Variants in PVT1 observed in about 807,000 individuals in gnomAD.
PVT1 encodes the protein Pvt1 oncogene, also known as CXCR4/PVT1 fusion.
At chr8:128,095,288 C>G (rs1814412827) in intron 5 of PVT1, among the ~76,000 whole-genome samples, 1 of 152,016 alleles carries the variant, frequency 6.6e-6, no homozygotes, top group Non-Finnish European at 1.5e-5. Context: ...GATGCTTTTT[C>G]TTGGGGTGAG....
intron 3 of PVT1, among the ~76,000 whole-genome samples, chr8:127,988,987 AAC>A (rs1817000921): frequency 6.6e-6 from 1 of 152,222 alleles, no homozygotes; most frequent in Non-Finnish European, 1.5e-5. Flanking sequence ...TAAAATGCCT[AAC>A]ACAGTGCTTG....
At chr8:127,800,295 G>A (rs754876035) in intron 2 of PVT1, among the ~76,000 whole-genome samples, 14 of 152,122 alleles carry the variant, frequency 9.2e-5, no homozygotes, top group South Asian at 6.2e-4. Flanking sequence ...GCCTGGCACC[G>A]TTTTAGCTGC....
intron 2 of PVT1, among the ~76,000 whole-genome samples, chr8:127,831,153 C>CTA (rs1343018424): frequency 0.027 from 4,062 of 148,048 alleles, 108 homozygotes; most frequent in African/African-American, 0.064. Flanking sequence ...CTCTCTCTCT[C>CTA]TCTATATATA....
At chr8:127,999,897 A>G (rs1454236514) in intron 4 of PVT1, among the ~76,000 whole-genome samples, 2 of 152,260 alleles carry the variant, frequency 1.3e-5, no homozygotes, top group African/African-American at 2.4e-5. Context: ...CCTATGGTCA[A>G]TGTGGCCTCA....
At chr8:127,856,498 C>G (rs541429456) in intron 2 of PVT1, among the ~76,000 whole-genome samples, 1 of 152,022 alleles carries the variant, frequency 6.6e-6, no homozygotes, top group Non-Finnish European at 1.5e-5. Context: ...CCTGCCACCA[C>G]GCCCAGCTAA....
At chr8:127,967,834 G>C (rs778870713) in intron 3 of PVT1, among the ~76,000 whole-genome samples, 1 of 152,238 alleles carries the variant, frequency 6.6e-6, no homozygotes, top group African/African-American at 2.4e-5. Flanking sequence ...TCATTGCTGA[G>C]TCTCTGAGCA....
At chr8:127,916,359 G>A (rs964504865) in intron 3 of PVT1, among the ~76,000 whole-genome samples, 4 of 152,184 alleles carry the variant, frequency 2.6e-5, no homozygotes, top group South Asian at 2.1e-4. Flanking sequence ...CCAAACTCCC[G>A]AATCTAGTGC....
chr8:127,889,040 CTTCCTTCCTTCCTT>C (rs1815564050), intron 2 of PVT1, among the ~76,000 whole-genome samples: 1 of 50,212 alleles, frequency 2.0e-5, no homozygotes, highest in Non-Finnish European at 4.6e-5. Flanking sequence ...CTCTTTCTTT[CTTCCTTCCTTCCTT>C]CCTTCCTTCC....
At chr8:128,078,005 T>C (rs984514875) in intron 5 of PVT1, among the ~76,000 whole-genome samples, 4 of 152,220 alleles carry the variant, frequency 2.6e-5, no homozygotes, top group African/African-American at 9.6e-5. Context: ...GTGGGGATGG[T>C]TCCTGCCCTT....
chr8:127,912,036 T>G (rs892680476), intron 3 of PVT1, among the ~76,000 whole-genome samples: 2 of 152,134 alleles, frequency 1.3e-5, no homozygotes, highest in Non-Finnish European at 2.9e-5. Flanking sequence ...GACCTGGATT[T>G]GAGTGCCCTG....
At chr8:127,837,144 T>C (rs1163975826) in intron 2 of PVT1, among the ~76,000 whole-genome samples, 1 of 152,160 alleles carries the variant, frequency 6.6e-6, no homozygotes, top group Non-Finnish European at 1.5e-5. Context: ...CCTTCAGCCA[T>C]AATTATCACC....
rs138029749 is a variant in PVT1, at chr8:127,899,357, T to C, written n.782+8359T>C. Among the ~76,000 whole-genome samples the C allele has an allele frequency of 3.3e-4, 51 of 152,320 alleles. No homozygotes were observed. In the East Asian group the frequency reaches 9.3e-3, roughly 28 times the overall value. Reference sequence around the variant, plus strand: ...GTCCATCTCCCCTCTCTGAACATGATGCATAGTAAGCCCTGAATCTCATTT... The same window carrying C: ...GTCCATCTCCCCTCTCTGAACATGACGCATAGTAAGCCCTGAATCTCATTT... On this transcript the variant is annotated intron_variant and non_coding_transcript_variant, in intron 3 of 10. Coordinates refer to ENST00000651587, the Ensembl canonical transcript of PVT1.
Position 127,887,729 on chromosome 8 carries a change from G to A in PVT1, n.373-2860G>A, listed in dbSNP as rs573991970. Among the ~76,000 whole-genome samples, 7 of 151,942 alleles carry A rather than the reference G, an allele frequency of 4.6e-5. No individual in the cohort carries two copies. The East Asian group carries it at 5.8e-4, about 13-fold the overall frequency. ...TTTAGTAGAGACGGGGTTTCACCAC[G>A]TTGGCCAGTCTGGTCTCAAACTCCT... On this transcript the variant is annotated intron_variant and non_coding_transcript_variant, in intron 2 of 10. Transcript: ENST00000651587.
At chr8:128,057,310 T>C (rs1032458149) in intron 4 of PVT1, among the ~76,000 whole-genome samples, 2 of 152,178 alleles carry the variant, frequency 1.3e-5, no homozygotes, top group Admixed American at 1.3e-4. Context: ...TAAGGGATAA[T>C]AGCTTACAAA....
intron 5 of PVT1, among the ~76,000 whole-genome samples, chr8:128,094,060 C>T (rs931259935): frequency 6.6e-6 from 1 of 152,132 alleles, no homozygotes; most frequent in Non-Finnish European, 1.5e-5. Context: ...CTCTTAATGC[C>T]ATGTCAGCAG....
chr8:128,086,112 C>T (rs942111800), intron 5 of PVT1, among the ~76,000 whole-genome samples: 1 of 152,172 alleles, frequency 6.6e-6, no homozygotes, highest in Non-Finnish European at 1.5e-5. Flanking sequence ...GGCTGTGAGT[C>T]GATAAGTTGT....
chr8:127,828,805 G>T (rs945491749), intron 2 of PVT1, among the ~76,000 whole-genome samples: 1 of 152,104 alleles, frequency 6.6e-6, no homozygotes, highest in East Asian at 1.9e-4. Flanking sequence ...GAAAGCTGAC[G>T]AGATGGACTA....
intron 2 of PVT1, among the ~76,000 whole-genome samples, chr8:127,825,117 T>TAAAAA (rs58377389): frequency 1.7e-4 from 14 of 80,978 alleles, no homozygotes; most frequent in East Asian, 4.1e-4. Context: ...AAACACTAGC[T>TAAAAA]AAAAAAAAAA....
intron 4 of PVT1, among the ~76,000 whole-genome samples, chr8:128,001,784 G>A (rs1045385105): frequency 3.3e-5 from 5 of 152,192 alleles, no homozygotes; most frequent in African/African-American, 4.8e-5. Flanking sequence ...GGTGTCTGGT[G>A]AGAACCTGCT....
Sources: gnomAD v4.1 joint callset for allele counts (sites outside exome capture counted in the v4.1 genomes callset) on GRCh38, gnomAD v4.1.1 for gene constraint, MANE v1.5 for transcripts, NCBI Gene and HGNC (gene_info 2026-07-23, HGNC 2026-07-21) for gene names.